Variants in CSNK1G3 observed in about 807,000 individuals in gnomAD.
CSNK1G3 encodes the protein casein kinase I isoform gamma-3.
CSNK1G3 carries 23 observed loss-of-function variants against 64.3 expected under a neutral mutation model. That is an observed-to-expected ratio of 0.36 (90% CI 0.26 to 0.51). CSNK1G3 has a LOEUF of 0.51. Among genes scored for constraint, CSNK1G3 ranks in the 20% least tolerant of loss-of-function variants. The pLI is 0.96. For synonymous variants in CSNK1G3, 158 were observed against 162.2 expected (o/e 0.97, Z 0.20); for missense variants, 357 against 510.5 (o/e 0.70, Z 2.90).
chr5:123,573,468 G>A, exon 5 of CSNK1G3: 2 of 1,613,936 alleles, frequency 1.2e-6, no homozygotes, highest in Non-Finnish European at 1.7e-6. Flanking sequence ...CTGGGACCTA[G>A]TTTGGAAGAC....
intron 10 of CSNK1G3, among the ~76,000 whole-genome samples, chr5:123,598,161 C>T (rs577407454): frequency 6.6e-6 from 1 of 152,200 alleles, no homozygotes; most frequent in Non-Finnish European, 1.5e-5. Context: ...TTGTATCAGC[C>T]TGTGTTCTGG....
chr5:123,540,243 G>T (rs1781467955), intron 1 of CSNK1G3, among the ~76,000 whole-genome samples: 1 of 151,354 alleles, frequency 6.6e-6, no homozygotes, highest in Admixed American at 6.6e-5. Flanking sequence ...TTATTTGAGG[G>T]TCTCTTTTTT....
intron 2 of CSNK1G3, among the ~76,000 whole-genome samples, chr5:123,549,099 A>G (rs188137809): frequency 2.6e-5 from 4 of 152,288 alleles, no homozygotes; most frequent in Admixed American, 1.3e-4. Flanking sequence ...TAAAGTTGAA[A>G]TATCTCAAAT....
intron 1 of CSNK1G3, among the ~76,000 whole-genome samples, chr5:123,532,983 A>G (rs1047708864): frequency 2.6e-5 from 4 of 151,858 alleles, no homozygotes; most frequent in African/African-American, 7.2e-5. Flanking sequence ...CTTTGATACT[A>G]TGTCAAATTT....
intron 2 of CSNK1G3, among the ~76,000 whole-genome samples, chr5:123,547,785 A>T (rs978427458): frequency 1.3e-5 from 2 of 152,100 alleles, no homozygotes; most frequent in Non-Finnish European, 2.9e-5. Context: ...GTACGCATAG[A>T]GCTAATTTAA....
At chr5:123,606,100 A>G (rs923022514) in intron 12 of CSNK1G3, among the ~76,000 whole-genome samples, 3 of 152,030 alleles carry the variant, frequency 2.0e-5, no homozygotes, top group Admixed American at 1.3e-4. Context: ...ACCTTATATA[A>G]TTTTCAAAAT....
At chr5:123,583,049 G>A (rs554862658) in intron 6 of CSNK1G3, among the ~76,000 whole-genome samples, 45 of 152,258 alleles carry the variant, frequency 3.0e-4, no homozygotes, top group East Asian at 2.5e-3. Context: ...ATAGAACCAT[G>A]TAGGCGAGAT....
At chr5:123,538,612 A>C (rs999918370) in intron 1 of CSNK1G3, among the ~76,000 whole-genome samples, 3 of 152,174 alleles carry the variant, frequency 2.0e-5, no homozygotes, top group Non-Finnish European at 4.4e-5. Context: ...GGATAGCATT[A>C]GGAGAAATAC....
At chr5:123,616,029 A>G (rs1284524223) in exon 13 of CSNK1G3, 1 of 152,156 alleles carries the variant, frequency 6.6e-6, no homozygotes, top group African/African-American at 2.4e-5. Flanking sequence ...ACCCACATGA[A>G]CACCACAAAT....
chr5:123,518,566 GGAAAAGCAAATACA>G (rs1777571368), intron 1 of CSNK1G3, among the ~76,000 whole-genome samples: 1 of 152,110 alleles, frequency 6.6e-6, no homozygotes, highest in Admixed American at 6.5e-5. Context: ...CTGTGTCTCT[GGAAAAGCAAATACA>G]TCTTTTGCAT....
At chr5:123,580,374 A>G (rs1249502904) in intron 6 of CSNK1G3, among the ~76,000 whole-genome samples, 1 of 152,010 alleles carries the variant, frequency 6.6e-6, no homozygotes, top group African/African-American at 2.4e-5. Context: ...TGTTCCTAAT[A>G]TAATAATATA....
intron 4 of CSNK1G3, among the ~76,000 whole-genome samples, chr5:123,568,615 A>C (rs1360626487): frequency 6.6e-6 from 1 of 152,196 alleles, no homozygotes; most frequent in African/African-American, 2.4e-5. Context: ...GTGTAGTTTT[A>C]AGAGGATCAG....
At chr5:123,605,487 C>A in intron 12 of CSNK1G3, 125 bp downstream of exon 13, 2 of 1,053,062 alleles carry the variant, frequency 1.9e-6, no homozygotes, top group South Asian at 1.6e-5. Context: ...AAAAGTTATT[C>A]AAAAGTATTT....
Position 123,614,399 on chromosome 5 carries a change from CTG to C in CSNK1G3, c.*4_*5del. ...AAACCATACAGCGCCACAAATGACT[CTG>C]GACACAGACAGATCCTGGGGAGTTA... On this transcript the variant is annotated 3_prime_UTR_variant, in exon 13 of 13. Coordinates refer to ENST00000345990, the Ensembl canonical transcript of CSNK1G3. 1.9e-6 allele frequency: 3 copies of C among 1,612,602 alleles called. No individual in the cohort carries two copies. The South Asian group carries it at 3.3e-5, about 18-fold the overall frequency.
At chr5:123,537,851 C>T (rs895454840) in intron 1 of CSNK1G3, among the ~76,000 whole-genome samples, 7 of 152,074 alleles carry the variant, frequency 4.6e-5, no homozygotes, top group African/African-American at 1.7e-4. Flanking sequence ...TTCCTACCAC[C>T]CTACTTAACC....
chr5:123,564,271 G>A (rs1786384489), intron 4 of CSNK1G3, among the ~76,000 whole-genome samples: 2 of 151,954 alleles, frequency 1.3e-5, no homozygotes, highest in South Asian at 4.1e-4. Flanking sequence ...ATATGGTGCA[G>A]GCATTAGTGT....
chr5:123,608,964 C>G (rs1795838862), intron 12 of CSNK1G3, among the ~76,000 whole-genome samples: 1 of 151,944 alleles, frequency 6.6e-6, no homozygotes, highest in South Asian at 2.1e-4. Context: ...CGGAGAAGTC[C>G]TCATGGGTAA....
At chr5:123,558,020 G>A (rs1256481479) in intron 4 of CSNK1G3, among the ~76,000 whole-genome samples, 1 of 152,138 alleles carries the variant, frequency 6.6e-6, no homozygotes, top group East Asian at 1.9e-4. Context: ...TCTGGTGGGG[G>A]CAGAGGGACA....
intron 8 of CSNK1G3, among the ~76,000 whole-genome samples, chr5:123,589,439 A>AG (rs1791937862): frequency 6.6e-6 from 1 of 152,126 alleles, no homozygotes; most frequent in Admixed American, 6.5e-5. Flanking sequence ...GGTGGGAAAA[A>AG]TGGGGTTGCC....
Sources: allele counts gnomAD v4.1 joint callset (sites outside exome capture counted in the v4.1 genomes callset), GRCh38; gene constraint gnomAD v4.1.1; transcripts MANE v1.5; gene names NCBI Gene and HGNC (gene_info 2026-07-23, HGNC 2026-07-21).